Variants in SORT1 observed in about 807,000 individuals in gnomAD.
SORT1 encodes the protein sortilin.
SORT1 carries 39 observed loss-of-function variants against 101.7 expected under a neutral mutation model. The observed-to-expected ratio is 0.38, with a 90% CI of 0.30 to 0.50. SORT1 has a LOEUF of 0.50. Among genes scored for constraint, SORT1 ranks in the 20% least tolerant of loss-of-function variants. SORT1 has a pLI of 0.90. For synonymous variants in SORT1, 396 were observed against 393.7 expected (o/e 1.01, Z -0.07); for missense variants, 878 against 1,040.4 (o/e 0.84, Z 2.15).
At chr1:109,345,502 G>C (rs971134843) in intron 8 of SORT1, among the ~76,000 whole-genome samples, 1 of 151,124 alleles carries the variant, frequency 6.6e-6, no homozygotes, top group East Asian at 1.9e-4. Context: ...GCAACAGAGA[G>C]AGACTTTGTT....
At chr1:109,319,713 A>G (rs537393371) in intron 15 of SORT1, among the ~76,000 whole-genome samples, 1 of 152,080 alleles carries the variant, frequency 6.6e-6, no homozygotes, top group African/African-American at 2.4e-5. Context: ...TAGAAATACA[A>G]AAAATTAGCC....
chr1:109,370,028 G>A (rs192466769), intron 1 of SORT1, among the ~76,000 whole-genome samples: 6 of 152,264 alleles, frequency 3.9e-5, no homozygotes, highest in South Asian at 4.1e-4. Context: ...TGAAAAGTTC[G>A]TAACTGGATT....
chr1:109,396,927 G>A (rs1283760183), intron 1 of SORT1, among the ~76,000 whole-genome samples: 1 of 152,176 alleles, frequency 6.6e-6, no homozygotes, highest in African/African-American at 2.4e-5. Context: ...CCATAATTTT[G>A]AAAGTCTTTT....
chr1:109,323,814 A>T (rs1647803320), intron 14 of SORT1, among the ~76,000 whole-genome samples: 2 of 152,200 alleles, frequency 1.3e-5, no homozygotes, highest in Admixed American at 1.3e-4. Context: ...TTTTAATGAC[A>T]TTACACTTTA....
At chr1:109,374,851 C>G (rs539591220) in intron 1 of SORT1, among the ~76,000 whole-genome samples, 2 of 152,124 alleles carry the variant, frequency 1.3e-5, no homozygotes, top group African/African-American at 2.4e-5. Context: ...CCCAGCTACT[C>G]AGAAGGCTGA....
At chr1:109,336,535 C>G (rs1249802325) in intron 10 of SORT1, among the ~76,000 whole-genome samples, 189 bp from the exon 11 acceptor site, 1 of 152,196 alleles carries the variant, frequency 6.6e-6, no homozygotes, top group Non-Finnish European at 1.5e-5. Context: ...AGGCCAGGTG[C>G]AGTGGTTCAT....
chr1:109,323,296 A>G (rs528367636), intron 14 of SORT1, among the ~76,000 whole-genome samples, 175 bp from the exon 15 acceptor site: 2 of 152,366 alleles, frequency 1.3e-5, no homozygotes, highest in South Asian at 2.1e-4. Flanking sequence ...CCTACTAGCA[A>G]TCGCATTTCC....
At chr1:109,373,818 T>C (rs530508264) in intron 1 of SORT1, among the ~76,000 whole-genome samples, 1 of 152,290 alleles carries the variant, frequency 6.6e-6, no homozygotes, top group Admixed American at 6.5e-5. Flanking sequence ...GTGCAGTAGC[T>C]TATGTCTATA....
In SORT1 at chr1:109,369,512, A is replaced by G; in HGVS notation, c.366+18T>C. Reference sequence around the variant, plus strand: ...TCTTCTTGCTGGGCTGAAATAACAGACTCAAAATATGACTTACCCCAGTGC... The same window carrying G: ...TCTTCTTGCTGGGCTGAAATAACAGGCTCAAAATATGACTTACCCCAGTGC... On this transcript the variant is annotated intron_variant, in intron 2 of 19. Transcript: ENST00000256637. 2 of 1,530,570 alleles carry G rather than the reference A, an allele frequency of 1.3e-6. No individual in the cohort carries two copies. Among genetic ancestry groups the G allele is most frequent in the Non-Finnish European group, 9.1e-7 (1 of 1,103,866 alleles). 94.8% of individuals were successfully genotyped at this position (1,530,570 alleles called of 1,614,324 possible).
intron 5 of SORT1, among the ~76,000 whole-genome samples, chr1:109,353,976 TAAC>T (rs1336658717): frequency 6.6e-6 from 1 of 151,980 alleles, no homozygotes; most frequent in Non-Finnish European, 1.5e-5. Flanking sequence ...ACTGAGGACA[TAAC>T]AAAAAAGAAA....
At chr1:109,385,913 G>A (rs1652541916) in intron 1 of SORT1, among the ~76,000 whole-genome samples, 1 of 151,952 alleles carries the variant, frequency 6.6e-6, no homozygotes, top group South Asian at 2.1e-4. Flanking sequence ...TTTCTCTATT[G>A]GTCCATAAAG....
Position 109,317,961 on chromosome 1 carries a change from C to A in SORT1, c.2033G>T (p.Gly678Val). 1 of 1,608,190 alleles carries A rather than the reference C, an allele frequency of 6.2e-7. No individual in the cohort carries two copies. The highest frequency in any genetic ancestry group is 8.5e-7 in the Non-Finnish European group (1 of 1,174,748). The change falls in exon 16 of 20, where the codon GGC (glycine) becomes GTC (valine). Residue 678 changes from glycine (G) to valine (V), a missense_variant. Physicochemically the swap from Gly to Val is moderately radical, Grantham distance 109. Transcript: ENST00000256637. ...CSLEDFLCDF[G>V]YYRPENDSKC... ...GGAGTCATTTTCTGGACGGTAGTAG[C>A]CAAAATCACTGCAAGAGTCAGCAAA...
intron 11 of SORT1, 63 bp downstream of exon 11, chr1:109,336,177 C>G: frequency 2.0e-6 from 2 of 998,270 alleles, no homozygotes; most frequent in Non-Finnish European, 3.2e-6. Context: ...ATCCAAAAGG[C>G]TGGCACTGAT....
chr1:109,321,097 T>A (rs549124202), intron 15 of SORT1, among the ~76,000 whole-genome samples: 2 of 152,200 alleles, frequency 1.3e-5, no homozygotes, highest in Admixed American at 1.3e-4. Context: ...TAGTGCCTAG[T>A]ATAAAGTTAG....
In SORT1 at chr1:109,354,447, T is replaced by C. The variant is rs779918735; in HGVS notation, c.628A>G (p.Thr210Ala). The change falls in exon 5 of 20, where the codon ACA becomes GCA. Residue 210 changes from threonine (T) to alanine (A), a missense_variant. Coordinates refer to ENST00000256637, the MANE Select transcript of SORT1 (RefSeq NM_002959.7). The stretch of plus-strand genomic sequence containing the variant: ...GTGAGAGGATGAAAAGGGAGATCTG[T>C]TTGCACAAAATTCTTCGCAAAATCT... Reference protein sequence around the residue: ...SSDFAKNFVQTDLPFHPLTQM... With the variant: ...SSDFAKNFVQADLPFHPLTQM... 1 of 1,613,446 alleles carries C rather than the reference T, an allele frequency of 6.2e-7. No individual in the cohort carries two copies. The highest frequency in any genetic ancestry group is 8.5e-7 in the Non-Finnish European group (1 of 1,179,422).
chr1:109,318,879 A>C (rs2101532478), intron 15 of SORT1, among the ~76,000 whole-genome samples: 1 of 152,104 alleles, frequency 6.6e-6, no homozygotes, highest in Admixed American at 6.5e-5. Flanking sequence ...TACTGGGCTC[A>C]AGTGATCTGT....
intron 3 of SORT1, among the ~76,000 whole-genome samples, chr1:109,361,295 C>A (rs192236233): frequency 1.3e-5 from 2 of 152,228 alleles, no homozygotes; most frequent in African/African-American, 2.4e-5. Flanking sequence ...AACATGAACA[C>A]AATTCAGCCT....
chr1:109,344,661 C>T (rs566948103), intron 8 of SORT1, among the ~76,000 whole-genome samples: 5 of 152,270 alleles, frequency 3.3e-5, no homozygotes, highest in South Asian at 4.1e-4. Flanking sequence ...TAGATTTCTT[C>T]GCGGCTTTAA....
intron 10 of SORT1, among the ~76,000 whole-genome samples, chr1:109,337,185 T>C (rs1447282542): frequency 1.3e-5 from 2 of 152,224 alleles, no homozygotes; most frequent in East Asian, 1.9e-4. Flanking sequence ...TTTTCAATGA[T>C]ATAAACTGTT....
Sources: gnomAD v4.1 joint callset for allele counts (sites outside exome capture counted in the v4.1 genomes callset) on GRCh38, gnomAD v4.1.1 for gene constraint, MANE v1.5 for transcripts, NCBI Gene and HGNC (gene_info 2026-07-23, HGNC 2026-07-21) for gene names.